The following AXIN1 variants were observed in gnomAD, a reference collection of about 807,000 sequenced individuals.
AXIN1 encodes the protein axin 1.
In AXIN1, 30 loss-of-function variants were observed where a neutral mutation model predicts 76.4. That is an observed-to-expected ratio of 0.39 (90% CI 0.29 to 0.53). The LOEUF (loss-of-function observed/expected upper bound fraction) is 0.53, where lower values mean the gene tolerates loss of function less well. Among genes scored for constraint, AXIN1 ranks in the 20% least tolerant of loss-of-function variants. AXIN1 has a pLI of 0.66. For synonymous variants in AXIN1, 545 were observed against 501.4 expected (o/e 1.09, Z -1.16); for missense variants, 1,140 against 1,198.8 (o/e 0.95, Z 0.72).
At chr16:318,844 G>A (rs546482064) in intron 2 of AXIN1, among the ~76,000 whole-genome samples, 106 of 97,538 alleles carry the variant, frequency 1.1e-3, no homozygotes, top group African/African-American at 5.7e-3. Flanking sequence ...GTGAGAATGC[G>A]GCTGGGGCCT....
Position 288,752 on chromosome 16 carries a change from C to CGCAGGGCCCT in AXIN1, c.2463-514_2463-505dup, listed in dbSNP as rs1308026757. On this transcript the variant is annotated intron_variant, in intron 10 of 10. Coordinates refer to ENST00000262320, the MANE Select transcript of AXIN1 (RefSeq NM_003502.4). ...TCGGGAGCCTCCAAGGCTGGCTGCA[C>CGCAGGGCCCT]GCAGGGCCCTGCAGGGCTGAGTGGC... Among the ~76,000 whole-genome samples, 13 of 152,376 alleles carry CGCAGGGCCCT rather than the reference C, an allele frequency of 8.5e-5. No individual in the cohort carries two copies. The East Asian group carries it at 2.3e-3, about 27-fold the overall frequency.
At chr16:305,869 A>T (rs1486293990) in intron 4 of AXIN1, among the ~76,000 whole-genome samples, 1 of 152,012 alleles carries the variant, frequency 6.6e-6, no homozygotes, top group Admixed American at 6.6e-5. Flanking sequence ...TTAAAAATAG[A>T]GATGGGGGTC....
chr16:289,386 G>A (rs1274159410), intron 10 of AXIN1, 54 bp downstream of exon 10: 30 of 1,606,254 alleles, frequency 1.9e-5, no homozygotes, highest in African/African-American at 4.0e-5. Flanking sequence ...TTTTCATACC[G>A]TTGGGCACCC....
At chr16:314,226 GAGCCCTC>G (rs1395138715) in intron 3 of AXIN1, among the ~76,000 whole-genome samples, 2 of 152,202 alleles carry the variant, frequency 1.3e-5, no homozygotes, top group African/African-American at 2.4e-5. Flanking sequence ...ACACAAAGCT[GAGCCCTC>G]ACTTGTACTG....
At chr16:314,778 T>TA in intron 2 of AXIN1, 95 bp from the exon 3 acceptor site, 1 of 1,545,692 alleles carries the variant, frequency 6.5e-7, no homozygotes, top group African/African-American at 1.4e-5. Context: ...CTCAATGTAT[T>TA]AATTAAAAAC....
intron 2 of AXIN1, among the ~76,000 whole-genome samples, chr16:333,894 C>T (rs977271456): frequency 5.3e-5 from 8 of 150,702 alleles, no homozygotes; most frequent in African/African-American, 2.0e-4. Context: ...AGTAACACAG[C>T]ACCAGGTACC....
intron 5 of AXIN1, among the ~76,000 whole-genome samples, chr16:303,002 C>T (rs2052914912): frequency 6.6e-6 from 1 of 152,192 alleles, no homozygotes; most frequent in South Asian, 2.1e-4. Flanking sequence ...CCTGGGACCA[C>T]AGGTGTGTGC....
chr16:342,257 C>T (rs1223757634), intron 2 of AXIN1, among the ~76,000 whole-genome samples: 3 of 152,158 alleles, frequency 2.0e-5, no homozygotes, highest in Non-Finnish European at 2.9e-5. Context: ...AAGGAAGAAA[C>T]TCCGAACACC....
Position 289,509 on chromosome 16 carries a change from G to A in AXIN1, c.2393C>T (p.Thr798Ile), listed in dbSNP as rs1488698142. 6.2e-7 allele frequency: 1 copy of A among 1,612,986 alleles called. No homozygotes were observed. Among genetic ancestry groups the A allele is most frequent in the Non-Finnish European group, 8.5e-7 (1 of 1,180,028 alleles). ...YFCGEPIPYRTLVRGRAVTLG... is the reference protein window; with the variant it reads ...YFCGEPIPYRILVRGRAVTLG... Reference sequence around the variant, plus strand: ...GGTGACAGCGCGGCCCCTCACCAGGGTGCGGTAGGGGATGGGTTCCCCGCA... The same window carrying A: ...GGTGACAGCGCGGCCCCTCACCAGGATGCGGTAGGGGATGGGTTCCCCGCA... The change falls in exon 10 of 11, where the codon ACC (threonine) becomes ATC (isoleucine). Residue 798 changes from threonine to isoleucine, a missense_variant. Physicochemically the swap from Thr to Ile is moderately conservative, Grantham distance 89. This residue lies in a region of AXIN1 where 429 missense variants were observed against 405.8 expected (regional missense o/e 1.06). Coordinates refer to ENST00000262320, the MANE Select transcript of AXIN1 (RefSeq NM_003502.4).
rs184548595 is a variant in AXIN1 at position 293,403 on chromosome 16, G to A, written c.2186+85C>T. ...CCCAGAGGGCCGTTTTTCCCCTGAA[G>A]ACCTCAGGCCTCGGGGAGCTTCAGC... On this transcript the variant is annotated intron_variant, in intron 8 of 10. Transcript: ENST00000262320. This position sits in a 1 kb window ranked among gnomAD's most constrained non-coding sequence, Gnocchi z 4.6. 7.3e-6 allele frequency: 10 copies of A among 1,378,108 alleles called. No homozygotes were observed. Among genetic ancestry groups the A allele is most frequent in the Admixed American group, 1.9e-5 (1 of 53,164 alleles). The allele number at this position is 1,378,108 out of a possible 1,614,324, so 85.4% of individuals were successfully genotyped here.
At chr16:344,981 G>C (rs1347651527) in intron 2 of AXIN1, among the ~76,000 whole-genome samples, 1 of 152,120 alleles carries the variant, frequency 6.6e-6, no homozygotes, top group African/African-American at 2.4e-5. Context: ...GGTCAGCAGG[G>C]GTCACATGAA....
rs773272181 is a variant in AXIN1, at chr16:297,214, G to A, written c.1797C>T (p.Gly599=). 1.2e-5 allele frequency: 19 copies of A among 1,606,618 alleles called. No individual in the cohort carries two copies. Among genetic ancestry groups the A allele is most frequent in the Non-Finnish European group, 1.6e-5 (19 of 1,179,900 alleles). Residue 599 remains glycine, a synonymous_variant, in exon 7 of 11, where the codon GGC becomes GGT. Coordinates refer to ENST00000262320, the MANE Select transcript of AXIN1 (RefSeq NM_003502.4). ...SDGLAHSGKV[G]VACKRNAKKA... Reference sequence around the variant, plus strand: ...TCTTGGCATTTCTTTTGCACGCCACGCCCACCTTCCCACTGCAAGGGCAAG... The same window carrying A: ...TCTTGGCATTTCTTTTGCACGCCACACCCACCTTCCCACTGCAAGGGCAAG...
At chr16:290,876 A>T in intron 9 of AXIN1, 1 of 465,244 alleles carries the variant, frequency 2.1e-6, no homozygotes, top group African/African-American at 2.0e-5. Flanking sequence ...GTGGAGGCGC[A>T]GGCAGGTCTC....
chr16:301,235 C>T lies in AXIN1; in HGVS notation c.1255-2984G>A, dbSNP rs535654067. ...GCAGTGAGCTGAGATCGTGCCACTG[C>T]ACTCCAGCCTGGGCGACAGAGCGAG... On this transcript the variant is annotated intron_variant, in intron 5 of 10. Transcript: ENST00000262320. Among the ~76,000 whole-genome samples the T allele has an allele frequency of 5.0e-3, 761 of 151,090 alleles. 2 individuals carry two copies. Among genetic ancestry groups the T allele is most frequent in the Non-Finnish European group, 8.7e-3 (589 of 67,886 alleles).
intron 2 of AXIN1, among the ~76,000 whole-genome samples, chr16:328,074 T>C (rs550571109): frequency 6.6e-6 from 1 of 152,220 alleles, no homozygotes; most frequent in South Asian, 2.1e-4. Flanking sequence ...GGCCAGACCT[T>C]GTCTCTACAA....
At chr16:311,215 A>G (rs1195184626) in intron 3 of AXIN1, among the ~76,000 whole-genome samples, 1 of 151,630 alleles carries the variant, frequency 6.6e-6, no homozygotes, top group African/African-American at 2.4e-5. Context: ...ATTATTTAGT[A>G]GAGACGGGGT....
intron 8 of AXIN1, chr16:292,493 C>T (rs2052591730): frequency 6.6e-6 from 1 of 152,234 alleles, no homozygotes; most frequent in Non-Finnish European, 1.5e-5. Flanking sequence ...AGGCCCCTAG[C>T]CACAGCCTCC....
intron 4 of AXIN1, among the ~76,000 whole-genome samples, chr16:305,637 G>A (rs568568067): frequency 6.0e-4 from 91 of 152,134 alleles, no homozygotes; most frequent in Admixed American, 1.1e-3. Context: ...TCCGCCTCCC[G>A]GGTTCACGCC....
In AXIN1 at chr16:326,394, T is replaced by TACACAC. The variant is rs1555483830; in HGVS notation, c.879-11717_879-11712dup. On this transcript the variant is annotated intron_variant, in intron 2 of 10. Transcript: ENST00000262320. ...AAAAATATATATATATATATATATATACACACCTATAGATAAATAACCTAC... is the reference window on the plus strand; with the variant it reads ...AAAAATATATATATATATATATATATACACACACACACCTATAGATAAATAACCTAC... Among the ~76,000 whole-genome samples, 773 of 117,774 alleles carry TACACAC rather than the reference T, an allele frequency of 6.6e-3. 7 individuals carry two copies. Among genetic ancestry groups the TACACAC allele is most frequent in the African/African-American group, 0.011 (294 of 27,682 alleles). 77.3% of individuals were successfully genotyped at this position (117,774 alleles called of 152,430 possible).
Sources: allele counts gnomAD v4.1 joint callset (sites outside exome capture counted in the v4.1 genomes callset), GRCh38; gene constraint gnomAD v4.1.1; regional missense constraint gnomAD v4.1.1; non-coding constraint Gnocchi (gnomAD v3.1); transcripts MANE v1.5; gene names NCBI Gene and HGNC (gene_info 2026-07-23, HGNC 2026-07-21).